The following MASP2 variants were observed in gnomAD, a reference collection of about 807,000 sequenced individuals.
MASP2 encodes MBL associated serine protease 2.
A neutral mutation model predicts 57.1 loss-of-function variants in MASP2; 49 were observed. That is an observed-to-expected ratio of 0.86 (90% CI 0.68 to 1.09). MASP2 has a LOEUF of 1.09. Ranked by LOEUF, MASP2 falls within the 50% of genes least tolerant of loss-of-function variation. The pLI is 0.00. For synonymous variants in MASP2, 379 were observed against 340.8 expected (o/e 1.11, Z -1.24); for missense variants, 900 against 874.8 (o/e 1.03, Z -0.36).
intron 6 of MASP2, among the ~76,000 whole-genome samples, chr1:11,041,119 A>ATGGAAGGATGTG (rs1638415448): frequency 6.7e-6 from 1 of 148,204 alleles, no homozygotes; most frequent in Admixed American, 6.7e-5. Flanking sequence ...GGATGGATGG[A>ATGGAAGGATGTG]TGGATGGATG....
In MASP2 at chr1:11,027,246, A is replaced by G. The variant is rs760632680; in HGVS notation, c.1700T>C (p.Ile567Thr). 25 of 1,614,046 alleles carry G rather than the reference A, an allele frequency of 1.5e-5. No homozygotes were observed. The highest frequency in any genetic ancestry group is 5.0e-5 in the Admixed American group (3 of 59,984). The change falls in exon 11 of 11, where the codon ATT becomes ACT. Residue 567 changes from isoleucine to threonine, a missense_variant. Ile to Thr is a moderately conservative substitution (Grantham distance 89). Coordinates refer to ENST00000400897, the MANE Select transcript of MASP2 (RefSeq NM_006610.4). ...TAATCCCCATCCAGATGCAGTTCCA[A>G]TGTCATCTGTCCTCATAAAGGATTC... is the stretch of plus-strand genomic sequence containing the variant. ...EAESFMRTDD[I>T]GTASGWGLTQ...
At chr1:11,039,328 T>G (rs1638341840) in intron 6 of MASP2, among the ~76,000 whole-genome samples, 1 of 146,374 alleles carries the variant, frequency 6.8e-6, no homozygotes, top group South Asian at 2.2e-4. Context: ...GATGGAAGGA[T>G]GGTGGATGGA....
chr1:11,038,669 T>G (rs1474881426), intron 6 of MASP2, among the ~76,000 whole-genome samples: 1 of 152,206 alleles, frequency 6.6e-6, no homozygotes, highest in Non-Finnish European at 1.5e-5. Context: ...GCCTGTGGCC[T>G]GGGGAAGCTC....
rs1023021942 is a variant in MASP2, at chr1:11,026,759, G to T, written c.*126C>A. On this transcript the variant is annotated 3_prime_UTR_variant, in exon 11 of 11. Coordinates refer to ENST00000400897, the MANE Select transcript of MASP2 (RefSeq NM_006610.4). ...ATGACAGCAGCCTCACCTGGAGTCT[G>T]TTTTTTTGGGTGGAGCAACAACTGC... 2.6e-6 allele frequency: 2 copies of T among 755,568 alleles called. No homozygotes were observed. The highest frequency in any genetic ancestry group is 1.8e-5 in the African/African-American group (1 of 54,290). The allele number at this position is 755,568 out of a possible 1,614,324, so 46.8% of individuals were successfully genotyped here.
chr1:11,034,760 A>G, intron 8 of MASP2, 68 bp downstream of exon 8: 3 of 1,025,570 alleles, frequency 2.9e-6, no homozygotes, highest in Non-Finnish European at 4.3e-6. Flanking sequence ...AAGCAATAGA[A>G]GCAGCAACAG....
chr1:11,035,898 A>C (rs1478467204), intron 7 of MASP2, among the ~76,000 whole-genome samples: 1 of 6,932 alleles, frequency 1.4e-4, no homozygotes. Flanking sequence ...CCTGTCCAAA[A>C]AAAAAAAAAA....
At chr1:11,029,632 ATCTTTTTTTTTTT>A (rs1643807183) in intron 10 of MASP2, 1 of 48,550 alleles carries the variant, frequency 2.1e-5, no homozygotes, top group Admixed American at 3.5e-4. Context: ...AATTTTTAAA[ATCTTTTTTTTTTT>A]TTTTTTTTTT....
At chr1:11,031,085 A>G (rs989344473) in intron 8 of MASP2, among the ~76,000 whole-genome samples, 8 of 151,888 alleles carry the variant, frequency 5.3e-5, no homozygotes, top group Non-Finnish European at 1.0e-4. Context: ...TGTTGTCCCA[A>G]TTACTTGAGA....
rs1008723809 is a variant in MASP2, at chr1:11,043,368, C to T, written c.712G>A (p.Glu238Lys). 3 of 1,608,904 alleles carry T rather than the reference C, an allele frequency of 1.9e-6. No individual in the cohort carries two copies. The highest frequency in any genetic ancestry group is 2.5e-6 in the Non-Finnish European group (3 of 1,178,126). Reference protein sequence around the residue: ...VESFDVETHPETLCPYDFLKI... With the variant: ...VESFDVETHPKTLCPYDFLKI... The stretch of plus-strand genomic sequence containing the variant: ...AGAAAGTCGTAGGGACACAGGGTTT[C>T]AGGGTGTGTCTCCACATCGAAGGAC... Residue 238 changes from glutamate (E) to lysine (K), a missense_variant, in exon 5 of 11, where the codon GAA becomes AAA. Transcript: ENST00000400897.
At chr1:11,043,156 C>G in intron 5 of MASP2, 134 bp from the exon 6 acceptor site, 1 of 1,031,110 alleles carries the variant, frequency 9.7e-7, no homozygotes, top group Non-Finnish European at 1.4e-6. Flanking sequence ...GGGTGCCCCT[C>G]CCCACTCTGC....
Position 11,045,549 on chromosome 1 carries a change from A to G in MASP2, c.413-10T>C. 9.4e-6 allele frequency: 15 copies of G among 1,597,254 alleles called. No homozygotes were observed. Among genetic ancestry groups the G allele is most frequent in the Non-Finnish European group, 1.3e-5 (15 of 1,174,358 alleles). On this transcript the variant is annotated splice_polypyrimidine_tract_variant and intron_variant, in intron 3 of 10. Transcript: ENST00000400897. ...TGGCACTCGTCAATGTCTGGGGGAG[A>G]GGCAGGGCCAGGCAGGCCGTCAGGA...
intron 6 of MASP2, among the ~76,000 whole-genome samples, chr1:11,038,690 G>A (rs1468082443): frequency 6.6e-6 from 1 of 152,192 alleles, no homozygotes; most frequent in Non-Finnish European, 1.5e-5. Context: ...TCAGTCCCAT[G>A]CAGGTCCCAA....
At position 11,043,409 on chromosome 1, in the gene MASP2, A is replaced by G. The variant is rs751834466; in HGVS notation, c.671T>C (p.Ile224Thr). ...SISLEEGFSV[I>T]LDFVESFDVE... ...ATCGAAGGACTCCACAAAGTCCAGA[A>G]TGACACTGAACCCCTCCTCCAGGCT... is the stretch of plus-strand genomic sequence containing the variant. The change falls in exon 5 of 11, where the codon ATT (isoleucine) becomes ACT (threonine). Residue 224 changes from isoleucine to threonine, a missense_variant. Transcript: ENST00000400897. The G allele has an allele frequency of 5.0e-6, 8 of 1,610,828 alleles. No individual in the cohort carries two copies. In the Admixed American group the frequency reaches 1.3e-4, roughly 27 times the overall value.
rs1303937633 is a variant in MASP2 at position 11,030,736 on chromosome 1, G to T, written c.1222+12C>A. The T allele has an allele frequency of 6.3e-7, 1 of 1,589,192 alleles. No individual in the cohort carries two copies. The highest frequency in any genetic ancestry group is 8.5e-7 in the Non-Finnish European group (1 of 1,170,318). On this transcript the variant is annotated intron_variant, in intron 9 of 10. Transcript: ENST00000400897. Reference sequence around the variant, plus strand: ...AGTATTGCCCACCCCCAACTTTGAAGAATTTGCATACCATCATTCACTTTC... The same window carrying T: ...AGTATTGCCCACCCCCAACTTTGAATAATTTGCATACCATCATTCACTTTC...
chr1:11,045,144 G>C lies in MASP2; in HGVS notation c.544+264C>G, dbSNP rs2100905455. On this transcript the variant is annotated intron_variant, in intron 4 of 10. Coordinates refer to ENST00000400897, the MANE Select transcript of MASP2 (RefSeq NM_006610.4). ...ACCCCCGACTCTCCCGTGGCTACAT[G>C]AGGGGTTCCCAGAGCCCAGGTGGAA... 6.7e-6 allele frequency: 5 copies of C among 746,564 alleles called. No homozygotes were observed. In the Admixed American group the frequency reaches 8.6e-5, roughly 13 times the overall value. 46.2% of individuals were successfully genotyped at this position (746,564 alleles called of 1,614,324 possible).
chr1:11,043,684 TG>T lies in MASP2; in HGVS notation c.545-150del, dbSNP rs537478265. The T allele has an allele frequency of 5.7e-4, 306 of 538,300 alleles. 4 individuals are homozygous for T. Among genetic ancestry groups the T allele is most frequent in the South Asian group, 5.2e-3 (252 of 48,184 alleles). 33.3% of individuals were successfully genotyped at this position (538,300 alleles called of 1,614,324 possible). ...CCTGGGTTGGGCTGGGCCCTGCAGG[TG>T]GCCAGCCCCTGAGGCCTACCCAGAA... On this transcript the variant is annotated intron_variant, in intron 4 of 10. Transcript: ENST00000400897.
At chr1:11,040,465 T>TAAA (rs61379703) in intron 6 of MASP2, among the ~76,000 whole-genome samples, 19 of 96,298 alleles carry the variant, frequency 2.0e-4, no homozygotes, top group African/African-American at 2.5e-4. Context: ...AGTCTTTGTC[T>TAAA]AAAAAAAAAA....
intron 8 of MASP2, among the ~76,000 whole-genome samples, chr1:11,031,194 C>T (rs1032765321): frequency 1.3e-5 from 2 of 151,890 alleles, no homozygotes; most frequent in Non-Finnish European, 2.9e-5. Flanking sequence ...AATTTGAAAC[C>T]ACCCAGAGCT....
Position 11,043,457 on chromosome 1 carries a change from A to G in MASP2, c.623T>C (p.Leu208Pro), listed in dbSNP as rs768313255. ...GCTGATGCTGTAAGTGCAACTGGAG[A>G]GTTTGGGATACGGCCGTGGGTATTC... is the stretch of plus-strand genomic sequence containing the variant. ...SPEYPRPYPK[L>P]SSCTYSISLE... Residue 208 changes from leucine to proline, a missense_variant, in exon 5 of 11, where the codon CTC (leucine) becomes CCC (proline). By Grantham distance (98) the Leu-to-Pro change is moderately conservative. Transcript: ENST00000400897. 1 of 1,610,854 alleles carries G rather than the reference A, an allele frequency of 6.2e-7. No individual in the cohort carries two copies. The highest frequency in any genetic ancestry group is 1.1e-5 in the South Asian group (1 of 90,336).
Sources: gnomAD v4.1 joint callset for allele counts (sites outside exome capture counted in the v4.1 genomes callset) on GRCh38, gnomAD v4.1.1 for gene constraint, MANE v1.5 for transcripts, NCBI Gene and HGNC (gene_info 2026-07-23, HGNC 2026-07-21) for gene names.